ITK: variants seen among roughly 807,000 people sequenced by gnomAD.
ITK encodes IL2 inducible T cell kinase.
A neutral mutation model predicts 87.6 loss-of-function variants in ITK; 45 were observed. The ratio of observed to expected loss-of-function variants is 0.51; its 90% CI spans 0.40 to 0.66. ITK has a LOEUF of 0.66. ITK is among the 30% of genes least tolerant of loss of function. The pLI, the probability that ITK is intolerant of heterozygous loss-of-function variation, is 0.00. For synonymous variants in ITK, 303 were observed against 273.6 expected, an observed-to-expected ratio of 1.11 and a Z score of -1.06; for missense variants, 605 against 766.3, an observed-to-expected ratio of 0.79 and a Z score of 2.48.
Position 157,238,122 on chromosome 5 carries a change from C to A in ITK, c.782C>A (p.Ala261Asp). Residue 261 changes from alanine to aspartate, a missense_variant, in exon 9 of 17, where the codon GCC becomes GAC. Ala to Asp is a moderately radical substitution (Grantham distance 126). Around this residue, in one of 3 missense-constraint regions of ITK, gnomAD observed 464 missense variants for 578.0 expected, o/e 0.80. Coordinates refer to ENST00000422843, the MANE Select transcript of ITK (RefSeq NM_005546.4). ...TAACCATTCCAGGGCAAAGAAGGAG[C>A]CTTCATGGTAAGGGATTCCAGGACT... ...KLLLDTGKEG[A>D]FMVRDSRTAG... 1 of 1,613,298 alleles carries A rather than the reference C, an allele frequency of 6.2e-7. No individual in the cohort carries two copies. Among genetic ancestry groups the A allele is most frequent in the Non-Finnish European group, 8.5e-7 (1 of 1,179,308 alleles).
chr5:157,223,109 C>A, intron 6 of ITK, 95 bp downstream of exon 6: 1 of 1,419,804 alleles, frequency 7.0e-7, no homozygotes, highest in Non-Finnish European at 9.9e-7. Flanking sequence ...ACAGTGTAAC[C>A]ACAGCACTGA....
intron 1 of ITK, among the ~76,000 whole-genome samples, chr5:157,203,889 A>T (rs1038259140): frequency 2.0e-5 from 3 of 152,246 alleles, no homozygotes; most frequent in African/African-American, 7.2e-5. Flanking sequence ...ATAAAAGTGC[A>T]GGGAAAAGAC....
intron 6 of ITK, 144 bp from the exon 7 acceptor site, chr5:157,228,152 A>G (rs558649704): frequency 1.5e-6 from 1 of 663,716 alleles, no homozygotes; most frequent in East Asian, 2.8e-5. Context: ...CAATTCTTGT[A>G]TTCTAAACTT....
chr5:157,204,068 C>T (rs550563847), intron 1 of ITK, among the ~76,000 whole-genome samples: 1 of 152,278 alleles, frequency 6.6e-6, no homozygotes, highest in South Asian at 2.1e-4. Context: ...TCGACGGCAC[C>T]ATCACTATCA....
At chr5:157,248,102 T>C (rs1361350368) in intron 15 of ITK, among the ~76,000 whole-genome samples, 1 of 152,216 alleles carries the variant, frequency 6.6e-6, no homozygotes, top group Non-Finnish European at 1.5e-5. Context: ...CTGAGATGAT[T>C]TTTATTCAGG....
intron 1 of ITK, among the ~76,000 whole-genome samples, chr5:157,194,633 A>T (rs1753816769): frequency 6.6e-6 from 1 of 152,188 alleles, no homozygotes; most frequent in Non-Finnish European, 1.5e-5. Context: ...GTGTTTCCCA[A>T]AGTGGGGTAC....
rs1753498565 is a variant in ITK, at chr5:157,180,911, A to C, written c.-67A>C. On this transcript the variant is annotated 5_prime_UTR_variant, in exon 1 of 17. Coordinates refer to ENST00000422843, the MANE Select transcript of ITK (RefSeq NM_005546.4). Reference sequence around the variant, plus strand: ...GCCTCCACATTGCATTCTTTGCCCCAAAACTCTTTCCTTTGGTTGTGCTAA... The same window carrying C: ...GCCTCCACATTGCATTCTTTGCCCCCAAACTCTTTCCTTTGGTTGTGCTAA... The C allele has an allele frequency of 1.9e-6, 3 of 1,561,836 alleles. No individual in the cohort carries two copies. Among genetic ancestry groups the C allele is most frequent in the African/African-American group, 1.4e-5 (1 of 73,812 alleles).
chr5:157,204,222 T>C (rs776497340), intron 1 of ITK, among the ~76,000 whole-genome samples: 1 of 152,164 alleles, frequency 6.6e-6, no homozygotes, highest in Non-Finnish European at 1.5e-5. Flanking sequence ...CCCAGGCTGC[T>C]CTCGAATTCT....
chr5:157,220,189 G>A (rs1053327510), intron 5 of ITK, among the ~76,000 whole-genome samples: 6 of 152,108 alleles, frequency 3.9e-5, no homozygotes, highest in East Asian at 3.9e-4. Flanking sequence ...CCAGTCCTCC[G>A]GGGACTGGCC....
At chr5:157,185,524 G>A (rs756436401) in intron 1 of ITK, among the ~76,000 whole-genome samples, 2 of 152,096 alleles carry the variant, frequency 1.3e-5, no homozygotes, top group African/African-American at 2.4e-5. Flanking sequence ...ACAGATGTGA[G>A]CCATCGCGCC....
intron 1 of ITK, among the ~76,000 whole-genome samples, chr5:157,194,751 G>T (rs1007456614): frequency 6.6e-5 from 10 of 152,110 alleles, no homozygotes; most frequent in Non-Finnish European, 1.2e-4. Context: ...TAAAATTTAT[G>T]GTGGTAATTT....
At chr5:157,233,999 G>T (rs1580901380) in intron 8 of ITK, among the ~76,000 whole-genome samples, 3 of 29,138 alleles carry the variant, frequency 1.0e-4, no homozygotes, top group Admixed American at 5.0e-4. Context: ...TTTTTTTTTT[G>T]AGACAGAGTC....
chr5:157,217,655 G>A (rs945078104), intron 4 of ITK, among the ~76,000 whole-genome samples: 2 of 152,120 alleles, frequency 1.3e-5, no homozygotes, highest in Non-Finnish European at 2.9e-5. Context: ...ACTAGAAAAG[G>A]GAATCAGAAA....
At chr5:157,223,277 A>G (rs1580894521) in intron 6 of ITK, among the ~76,000 whole-genome samples, 1 of 149,782 alleles carries the variant, frequency 6.7e-6, no homozygotes, top group East Asian at 2.0e-4. Context: ...CATCTAAAAA[A>G]CCCCCTGGAT....
intron 4 of ITK, 84 bp downstream of exon 4, chr5:157,214,403 C>A: frequency 8.9e-7 from 1 of 1,121,334 alleles, no homozygotes; most frequent in Non-Finnish European, 1.4e-6. Flanking sequence ...TTGAGGGTGT[C>A]AGGAACAGAA....
intron 5 of ITK, among the ~76,000 whole-genome samples, chr5:157,220,161 G>A (rs976481824): frequency 6.6e-6 from 1 of 152,162 alleles, no homozygotes; most frequent in Admixed American, 6.5e-5. Context: ...CTCTATGTGA[G>A]AAACACTGTG....
rs1417215885 is a variant in ITK, at chr5:157,240,118, A to G, written c.908A>G (p.Lys303Arg). 1 of 1,612,994 alleles carries G rather than the reference A, an allele frequency of 6.2e-7. No individual in the cohort carries two copies. Among genetic ancestry groups the G allele is most frequent in the African/African-American group, 1.3e-5 (1 of 74,936 alleles). ...ATCAAGGAAACAAATGACAATCCTA[A>G]GCGATACTATGTGGCTGAAAAGTAT... The part of the protein sequence containing the change: ...YHIKETNDNP[K>R]RYYVAEKYVF... Residue 303 changes from lysine to arginine, a missense_variant, in exon 10 of 17, where the codon AAG becomes AGG. By Grantham distance (26) the Lys-to-Arg change is conservative (BLOSUM62 2). Coordinates refer to ENST00000422843, the MANE Select transcript of ITK (RefSeq NM_005546.4).
Position 157,232,346 on chromosome 5 carries a change from C to G in ITK, c.720C>G (p.Tyr240Ter). ...SPNNLETYEW[Y>*]NKSISRDKAE... ...GACTTTTCCTTGCTTTCAGGTGGTACAATAAGAGTATCAGCCGAGACAAAG... is the reference window on the plus strand; with the variant it reads ...GACTTTTCCTTGCTTTCAGGTGGTAGAATAAGAGTATCAGCCGAGACAAAG... Residue 240 changes from tyrosine to a stop codon, truncating the protein, a stop_gained, in exon 8 of 17, where the codon TAC becomes TAG. Transcript: ENST00000422843. LOFTEE classifies it high-confidence loss of function. 1 of 1,609,272 alleles carries G rather than the reference C, an allele frequency of 6.2e-7. No individual in the cohort carries two copies. Among genetic ancestry groups the G allele is most frequent in the Non-Finnish European group, 8.5e-7 (1 of 1,176,128 alleles).
intron 1 of ITK, among the ~76,000 whole-genome samples, chr5:157,196,455 TCC>T (rs1318531608): frequency 6.6e-6 from 1 of 152,206 alleles, no homozygotes; most frequent in East Asian, 1.9e-4. Flanking sequence ...TTAAATATAT[TCC>T]TTTTGTTCAT....
Sources: gnomAD v4.1 joint callset for allele counts (sites outside exome capture counted in the v4.1 genomes callset) on GRCh38, gnomAD v4.1.1 for gene constraint, gnomAD v4.1.1 regional missense constraint, MANE v1.5 for transcripts, NCBI Gene and HGNC (gene_info 2026-07-23, HGNC 2026-07-21) for gene names.